The following PKD2L1 variants were observed in gnomAD, a reference collection of about 807,000 sequenced individuals.
PKD2L1 encodes the protein polycystin 2 like 1, transient receptor potential cation channel, also known as polycystin-2-like protein 1.
Under a neutral mutation model 93.0 loss-of-function variants are expected in PKD2L1, and 77 were observed. The observed-to-expected ratio is 0.83, with a 90% CI of 0.69 to 1.00. The LOEUF is 1.00. Among genes scored for constraint, PKD2L1 ranks in the 50% least tolerant of loss-of-function variants. PKD2L1 has a pLI of 0.00. For missense variants in PKD2L1, 977 were observed against 990.9 expected, an observed-to-expected ratio of 0.99 and a Z score of 0.19; for synonymous variants, 390 against 388.0, an observed-to-expected ratio of 1.01 and a Z score of -0.06.
chr10:100,319,777 C>T (rs369919514), intron 2 of PKD2L1, among the ~76,000 whole-genome samples: 20 of 152,394 alleles, frequency 1.3e-4, no homozygotes, highest in Middle Eastern at 3.4e-3. Context: ...TCCTCCCCAG[C>T]TCCATGGTGA....
chr10:100,325,469 A>G (rs1849357858), intron 2 of PKD2L1, among the ~76,000 whole-genome samples: 1 of 152,170 alleles, frequency 6.6e-6, no homozygotes, highest in South Asian at 2.1e-4. Context: ...GGAAACTAGT[A>G]TTAGTATTAT....
chr10:100,317,058 A>G (rs1332029820), intron 2 of PKD2L1, among the ~76,000 whole-genome samples: 1 of 152,034 alleles, frequency 6.6e-6, no homozygotes, highest in African/African-American at 2.4e-5. Context: ...ACTGCACTGC[A>G]GCCTGGGTGA....
At chr10:100,300,463 C>T (rs1003800648) in intron 2 of PKD2L1, among the ~76,000 whole-genome samples, 29 of 152,316 alleles carry the variant, frequency 1.9e-4, no homozygotes, top group African/African-American at 7.0e-4. Context: ...CACATCCATC[C>T]AGTCCCATGT....
intron 3 of PKD2L1, 28 bp downstream of exon 3, chr10:100,299,563 G>A (rs1271273736): frequency 1.2e-6 from 2 of 1,608,822 alleles, no homozygotes; most frequent in Non-Finnish European, 1.7e-6. Flanking sequence ...GAAAGAGAGG[G>A]GAGGGGTAGA....
At chr10:100,290,588 CCTACT>C (rs1848386280) in intron 12 of PKD2L1, 69 bp from the exon 13 acceptor site, 2 of 939,504 alleles carry the variant, frequency 2.1e-6, no homozygotes, top group East Asian at 2.4e-5. Flanking sequence ...TGTTCTATCA[CCTACT>C]CTACTGGGAT....
At chr10:100,325,069 T>C (rs1849347947) in intron 2 of PKD2L1, among the ~76,000 whole-genome samples, 2 of 152,240 alleles carry the variant, frequency 1.3e-5, no homozygotes, top group Admixed American at 1.3e-4. Flanking sequence ...TCAGTGTTTC[T>C]TAACCTTTTT....
Position 100,299,636 on chromosome 10 carries a change from A to AGT in PKD2L1, c.430_431dup (p.Gly145LeufsTer60). Reference sequence around the variant, plus strand: ...TGCTGATGGCCTGAAAGGAGACTCCAGTGTCTGATGGAGTATGTAAGAAGA... The same window carrying AGT: ...TGCTGATGGCCTGAAAGGAGACTCCAGTGTGTCTGATGGAGTATGTAAGAAGA... On this transcript the variant is annotated frameshift_variant, in exon 3 of 16. Transcript: ENST00000318222. LOFTEE classifies it high-confidence loss of function. The AGT allele has an allele frequency of 6.2e-7, 1 of 1,613,644 alleles. No homozygotes were observed. The highest frequency in any genetic ancestry group is 8.5e-7 in the Non-Finnish European group (1 of 1,179,500).
chr10:100,292,928 C>T lies in PKD2L1; in HGVS notation c.1880+20G>A, dbSNP rs781726967. 1 of 1,609,024 alleles carries T rather than the reference C, an allele frequency of 6.2e-7. No homozygotes were observed. The highest frequency in any genetic ancestry group is 8.5e-7 in the Non-Finnish European group (1 of 1,177,726). ...CTTAAGAGACTGTTATTAGAGAAGG[C>T]TGGGTCTCTGGTTGCTCACTCCCTT... On this transcript the variant is annotated intron_variant, in intron 11 of 15. Coordinates refer to ENST00000318222, the MANE Select transcript of PKD2L1 (RefSeq NM_016112.3).
intron 11 of PKD2L1, among the ~76,000 whole-genome samples, chr10:100,292,505 A>G (rs186395830): frequency 3.3e-5 from 5 of 152,180 alleles, no homozygotes; most frequent in Non-Finnish European, 5.9e-5. Context: ...AAAAAAAAAA[A>G]AAATTATGTT....
chr10:100,297,925 T>A (rs1257008906), intron 4 of PKD2L1, among the ~76,000 whole-genome samples: 1 of 151,970 alleles, frequency 6.6e-6, no homozygotes, highest in Non-Finnish European at 1.5e-5. Context: ...TAAATCTGAT[T>A]TTTCACTATG....
chr10:100,310,498 T>C (rs1279639836), intron 2 of PKD2L1, among the ~76,000 whole-genome samples: 1 of 152,244 alleles, frequency 6.6e-6, no homozygotes, highest in East Asian at 1.9e-4. Context: ...CATTAAGTCC[T>C]CAGGCTCTTC....
rs749283089 is a variant in PKD2L1, at chr10:100,293,329, C to A, written c.1710G>T (p.Glu570Asp). ...INDTYSEVKE[E>D]LAGQKDELQL... Reference sequence around the variant, plus strand: ...GCAGCTCATCCTTCTGTCCAGCCAGCTCCTCCTTGACCTCTGAATATGTGT... The same window carrying A: ...GCAGCTCATCCTTCTGTCCAGCCAGATCCTCCTTGACCTCTGAATATGTGT... Residue 570 changes from glutamate to aspartate, a missense_variant, in exon 10 of 16, where the codon GAG (glutamate) becomes GAT (aspartate). Coordinates refer to ENST00000318222, the MANE Select transcript of PKD2L1 (RefSeq NM_016112.3). 10 of 1,613,940 alleles carry A rather than the reference C, an allele frequency of 6.2e-6. No individual in the cohort carries two copies. Among genetic ancestry groups the A allele is most frequent in the Non-Finnish European group, 8.5e-6 (10 of 1,179,766 alleles).
rs1161279368 is a variant in PKD2L1, at chr10:100,288,997, C to T, written c.2310G>A (p.Trp770Ter). Residue 770 changes from tryptophan to a stop codon, truncating the protein, a stop_gained, in exon 15 of 16, where the codon TGG (tryptophan) becomes TGA (stop). Transcript: ENST00000318222. LOFTEE classifies it low-confidence loss of function (END_TRUNC). ...CACTCTCCTGCCCACCCTGGACTCC[C>T]CAGGGGTCTGGGGTCACAGCTGGGG... The part of the protein sequence containing the change: ...QPAPAVTPDP[W>*]GVQGGQESEV... The T allele has an allele frequency of 6.2e-7, 1 of 1,611,464 alleles. No individual in the cohort carries two copies. The highest frequency in any genetic ancestry group is 8.5e-7 in the Non-Finnish European group (1 of 1,178,404).
chr10:100,312,776 T>A (rs1022847973), intron 2 of PKD2L1, among the ~76,000 whole-genome samples: 1 of 151,918 alleles, frequency 6.6e-6, no homozygotes, highest in African/African-American at 2.4e-5. Context: ...CAGAATTGCA[T>A]AAAGAGTTTA....
At chr10:100,319,700 T>C (rs960522747) in intron 2 of PKD2L1, among the ~76,000 whole-genome samples, 1 of 152,152 alleles carries the variant, frequency 6.6e-6, no homozygotes, top group Admixed American at 6.5e-5. Flanking sequence ...AGTGATGGAT[T>C]AAGAGCATCC....
rs568650461 is a variant in PKD2L1 at position 100,290,454 on chromosome 10, C to A, written c.2073G>T (p.Ser691=). The A allele has an allele frequency of 6.2e-6, 10 of 1,613,774 alleles. No individual in the cohort carries two copies. In the Admixed American group the frequency reaches 1.2e-4, roughly 19 times the overall value. ...CTCCTGCTCTGGCAGCCTCTGGACC[C>A]GATTTGCCTTGTGGGCTGCTCACAA... The part of the protein sequence containing the change: ...RSIVSSPQGK[S]GPEAARAGGW... Residue 691 remains serine, a synonymous_variant, in exon 13 of 16, where the codon TCG becomes TCT. Coordinates refer to ENST00000318222, the MANE Select transcript of PKD2L1 (RefSeq NM_016112.3).
At position 100,329,147 on chromosome 10, in the gene PKD2L1, T is replaced by C. The variant is rs1177147391; in HGVS notation, c.349+64A>G. On this transcript the variant is annotated intron_variant, in intron 2 of 15. Coordinates refer to ENST00000318222, the MANE Select transcript of PKD2L1 (RefSeq NM_016112.3). ...CAGATGTTGCCCACAGGAATGTTTA[T>C]ACATATAGTGCACACATAGATGTTT... is the stretch of plus-strand genomic sequence containing the variant. 2.7e-6 allele frequency: 4 copies of C among 1,503,250 alleles called. No individual in the cohort carries two copies. In the South Asian group the frequency reaches 3.4e-5, roughly 13 times the overall value. The allele number at this position is 1,503,250 out of a possible 1,614,324, so 93.1% of individuals were successfully genotyped here. A position where few individuals can be genotyped will look rare whatever the true frequency, so the allele number is the denominator to read the frequency against.
intron 2 of PKD2L1, among the ~76,000 whole-genome samples, chr10:100,318,018 C>T (rs1166582528): frequency 4.6e-5 from 7 of 151,802 alleles, no homozygotes; most frequent in African/African-American, 1.7e-4. Context: ...AGGCGGAGGT[C>T]GCAGTGAGCC....
rs1383262536 is a variant in PKD2L1 at position 100,297,495 on chromosome 10, A to G, written c.843T>C (p.Ser281=). The change falls in exon 5 of 16, where the codon AGT becomes AGC. Residue 281 remains serine, a synonymous_variant. Coordinates refer to ENST00000318222, the MANE Select transcript of PKD2L1 (RefSeq NM_016112.3). ...YLDLPGSRQG[S]AEALRALQEG... ...CCTGAAGGGCCCGGAGAGCCTCTGCACTACCCTGTCGGGATCCTGGAAGGT... is the reference window on the plus strand; with the variant it reads ...CCTGAAGGGCCCGGAGAGCCTCTGCGCTACCCTGTCGGGATCCTGGAAGGT... The G allele has an allele frequency of 2.5e-6, 4 of 1,614,036 alleles. No homozygotes were observed. The Admixed American group carries it at 5.0e-5, about 20-fold the overall frequency.
Sources: allele counts gnomAD v4.1 joint callset (sites outside exome capture counted in the v4.1 genomes callset), GRCh38; gene constraint gnomAD v4.1.1; transcripts MANE v1.5; gene names NCBI Gene and HGNC (gene_info 2026-07-23, HGNC 2026-07-21).